RACGAP1: variants seen among roughly 807,000 people sequenced by gnomAD.
RACGAP1 encodes rac GTPase-activating protein 1.
Under a neutral mutation model 78.1 loss-of-function variants are expected in RACGAP1, and 30 were observed. The observed-to-expected ratio is 0.38, with a 90% CI of 0.29 to 0.52. RACGAP1 has a LOEUF of 0.52. Among genes scored for constraint, RACGAP1 ranks in the 20% least tolerant of loss-of-function variants. The pLI, the probability that RACGAP1 is intolerant of heterozygous loss-of-function variation, is 0.82. For missense variants in RACGAP1, 587 were observed against 777.1 expected, an observed-to-expected ratio of 0.76 and a Z score of 2.91; for synonymous variants, 231 against 264.8, an observed-to-expected ratio of 0.87 and a Z score of 1.24.
At chr12:50,019,695 A>AAAATAAGTAAATAAAT (rs1555178716) in intron 1 of RACGAP1, 1 of 140,662 alleles carries the variant, frequency 7.1e-6, no homozygotes, top group African/African-American at 2.6e-5. Context: ...CCCTTCTCTT[A>AAAATAAGTAAATAAAT]AAATAAATAA....
At chr12:49,997,458 TAG>T (rs1263674779) in intron 9 of RACGAP1, among the ~76,000 whole-genome samples, 5 of 151,720 alleles carry the variant, frequency 3.3e-5, no homozygotes, top group African/African-American at 1.2e-4. Context: ...GTATTTTTAG[TAG>T]AGACAGGGTT....
intron 2 of RACGAP1, among the ~76,000 whole-genome samples, chr12:50,009,639 A>G (rs1190804839): frequency 6.6e-6 from 1 of 152,206 alleles, no homozygotes; most frequent in Non-Finnish European, 1.5e-5. Flanking sequence ...TCTGTTGAAC[A>G]AATGAATGAA....
In RACGAP1 at chr12:49,992,651, GAT is replaced by G; in HGVS notation, c.1342_1343del (p.Ile448HisfsTer3). 6.2e-7 allele frequency: 1 copy of G among 1,608,850 alleles called. No homozygotes were observed. Among genetic ancestry groups the G allele is most frequent in the Non-Finnish European group, 8.5e-7 (1 of 1,178,530 alleles). ...CAGCTATGCTGTTGTCTTCATCTGTGATTTCTGTAATTGAAAAGAAAGCACCA... is the reference window on the plus strand; with the variant it reads ...CAGCTATGCTGTTGTCTTCATCTGTGTTCTGTAATTGAAAAGAAAGCACCA... ...LNRAFMEAAE[I>X]TDEDNSIAAM... On this transcript the variant is annotated frameshift_variant and splice_region_variant, in exon 13 of 17. Transcript: ENST00000312377. LOFTEE classifies it high-confidence loss of function.
chr12:49,995,763 G>T lies in RACGAP1; in HGVS notation c.1045-1254C>A, dbSNP rs571162391. On this transcript the variant is annotated intron_variant, in intron 10 of 16. Transcript: ENST00000312377. ...TCCTGCCTCAGCCTCCCAAAGTGCT[G>T]GGATTACAGGCATGAGCTACCACAC... Among the ~76,000 whole-genome samples, 20 of 152,186 alleles carry T rather than the reference G, an allele frequency of 1.3e-4. 1 individual carries two copies. The South Asian group carries it at 4.2e-3, about 32-fold the overall frequency.
chr12:50,005,428 C>G, intron 3 of RACGAP1, 36 bp from the exon 4 acceptor site: 2 of 1,609,456 alleles, frequency 1.2e-6, no homozygotes, highest in Non-Finnish European at 1.7e-6. Flanking sequence ...TCATAACTAG[C>G]CAGGGGAGAA....
intron 1 of RACGAP1, among the ~76,000 whole-genome samples, chr12:50,024,110 G>A (rs1358179577): frequency 1.3e-5 from 2 of 151,350 alleles, no homozygotes; most frequent in Non-Finnish European, 2.9e-5. Flanking sequence ...GCAGTGAGCC[G>A]AGATCGCGCC....
chr12:50,012,695 G>A (rs978888933), intron 2 of RACGAP1, among the ~76,000 whole-genome samples: 1 of 152,208 alleles, frequency 6.6e-6, no homozygotes, highest in African/African-American at 2.4e-5. Flanking sequence ...GGAGGCAGAA[G>A]TTGTAGTGAG....
chr12:50,007,816 G>A (rs182246834), intron 2 of RACGAP1, among the ~76,000 whole-genome samples: 4 of 151,118 alleles, frequency 2.6e-5, no homozygotes, highest in East Asian at 1.9e-4. Context: ...TAAACAATGC[G>A]GATATCAACA....
chr12:50,017,196 G>T, intron 1 of RACGAP1: 2 of 562,392 alleles, frequency 3.6e-6, no homozygotes, highest in Non-Finnish European at 4.5e-6. Flanking sequence ...GACATGGTCA[G>T]CACATTTCCT....
At chr12:50,010,622 C>A (rs1949263044) in intron 2 of RACGAP1, among the ~76,000 whole-genome samples, 1 of 151,704 alleles carries the variant, frequency 6.6e-6, no homozygotes, top group Non-Finnish European at 1.5e-5. Flanking sequence ...TTTGCCCGGC[C>A]CGGACTTAGC....
intron 15 of RACGAP1, among the ~76,000 whole-genome samples, chr12:49,991,283 A>G (rs1481619814): frequency 1.3e-5 from 2 of 151,622 alleles, no homozygotes; most frequent in African/African-American, 4.8e-5. Context: ...ACTCTTAGGA[A>G]TTTATCATTA....
intron 5 of RACGAP1, among the ~76,000 whole-genome samples, chr12:50,002,957 G>A (rs993662222): frequency 5.3e-5 from 8 of 151,322 alleles, no homozygotes; most frequent in Middle Eastern, 3.2e-3. Flanking sequence ...CCGGGAGGCG[G>A]AGCTTGCAGT....
intron 2 of RACGAP1, among the ~76,000 whole-genome samples, chr12:50,010,805 G>T (rs898472159): frequency 1.3e-5 from 2 of 151,838 alleles, no homozygotes; most frequent in Non-Finnish European, 2.9e-5. Flanking sequence ...GTTGGCACAT[G>T]CCTGTAATTC....
intron 1 of RACGAP1, chr12:50,017,154 T>G: frequency 1.8e-5 from 15 of 848,150 alleles, no homozygotes; most frequent in Non-Finnish European, 2.0e-5. Context: ...TTTTAGCTAA[T>G]GCCCCTGTTG....
At chr12:50,018,085 G>A (rs1383961088) in intron 1 of RACGAP1, among the ~76,000 whole-genome samples, 2 of 150,420 alleles carry the variant, frequency 1.3e-5, no homozygotes, top group Non-Finnish European at 1.5e-5. Context: ...TTGAACCTGG[G>A]AGGCAGAGGT....
chr12:50,014,106 A>C (rs1484178964), intron 2 of RACGAP1, among the ~76,000 whole-genome samples: 2 of 152,218 alleles, frequency 1.3e-5, no homozygotes, highest in Admixed American at 1.3e-4. Context: ...TTCAAAAAAA[A>C]TATTGAATGG....
chr12:50,025,580 A>G, upstream of RACGAP1: 1 of 976,990 alleles, frequency 1.0e-6, no homozygotes, highest in Non-Finnish European at 1.2e-6. Flanking sequence ...CGCGGAGGTG[A>G]CGGGAACGGG....
intron 12 of RACGAP1, 48 bp downstream of exon 12, chr12:49,994,083 A>G: frequency 6.8e-7 from 1 of 1,474,808 alleles, no homozygotes; most frequent in South Asian, 1.3e-5. Context: ...AGTAAGAAAA[A>G]CTACTGCCGT....
At chr12:50,006,308 G>T in intron 3 of RACGAP1, 126 bp downstream of exon 3, 1 of 1,006,824 alleles carries the variant, frequency 9.9e-7, no homozygotes, top group Non-Finnish European at 1.5e-6. Context: ...AGCTGTTAAA[G>T]AACAGGTCAC....
Sources: gnomAD v4.1 joint callset for allele counts (sites outside exome capture counted in the v4.1 genomes callset) on GRCh38, gnomAD v4.1.1 for gene constraint, MANE v1.5 for transcripts, NCBI Gene and HGNC (gene_info 2026-07-23, HGNC 2026-07-21) for gene names.